The following AATK variants were observed in gnomAD, a reference collection of about 807,000 sequenced individuals.
AATK encodes lemur tail kinase 1, also known as serine/threonine-protein kinase LMTK1.
Under a neutral mutation model 114.3 loss-of-function variants are expected in AATK, and 91 were observed. The observed-to-expected ratio is 0.80, with a 90% CI of 0.67 to 0.95. The LOEUF is 0.95. AATK is among the 40% of genes least tolerant of loss of function. The pLI, the probability that AATK is intolerant of heterozygous loss-of-function variation, is 0.00. For missense variants in AATK, 2,176 were observed against 1,965.2 expected (o/e 1.11, Z -2.03); for synonymous variants, 1,075 against 916.5 (o/e 1.17, Z -3.12).
intron 12 of AATK, 45 bp from the exon 13 acceptor site, chr17:81,119,625 C>T: frequency 6.6e-7 from 1 of 1,512,778 alleles, no homozygotes. Flanking sequence ...AGCCTGGGAC[C>T]CCGGCCCGGC....
intron 1 of AATK, among the ~76,000 whole-genome samples, chr17:81,146,915 A>G (rs1038403570): frequency 3.0e-5 from 3 of 101,212 alleles, no homozygotes; most frequent in Non-Finnish European, 4.4e-5. Context: ...CCTTCTCTCC[A>G]GCCAAGTAAT....
chr17:81,143,086 C>T (rs986384404), intron 1 of AATK, among the ~76,000 whole-genome samples: 8 of 152,230 alleles, frequency 5.3e-5, no homozygotes, highest in Non-Finnish European at 1.2e-4. Context: ...CCGTCCGCAG[C>T]GTTGCCGGCA....
In AATK at chr17:81,131,279, C is replaced by T. The variant is rs1017681208; in HGVS notation, c.190-74G>A. ...GGTGTGGCTGGGCCTGGAAAGGCCC[C>T]TTTCTTCCAGGGCCGAGCTCCCAGG... On this transcript the variant is annotated intron_variant, in intron 2 of 13. Transcript: ENST00000326724. 2.7e-6 allele frequency: 4 copies of T among 1,471,010 alleles called. No individual in the cohort carries two copies. In the Admixed American group the frequency reaches 6.9e-5, roughly 25 times the overall value. The allele number at this position is 1,471,010 out of a possible 1,614,324, so 91.1% of individuals were successfully genotyped here.
rs754236546 is a variant in AATK at position 81,122,280 on chromosome 17, G to A, written c.1656C>T (p.Pro552=). The change falls in exon 11 of 14, where the codon CCC becomes CCT. Residue 552 remains proline (P), a synonymous_variant. Coordinates refer to ENST00000326724, the MANE Select transcript of AATK (RefSeq NM_001080395.3). Reference sequence around the variant, plus strand: ...CCTGGTCCGCGGTGGCAGGTGGACTGGGGGCGCAGCCGGCGCAGTCAGGGT... The same window carrying A: ...CCTGGTCCGCGGTGGCAGGTGGACTAGGGGCGCAGCCGGCGCAGTCAGGGT... ...GHDPDCAGCA[P]SPPATADQDD... 63 of 1,499,610 alleles carry A rather than the reference G, an allele frequency of 4.2e-5. 1 individual carries two copies. In the South Asian group the frequency reaches 4.6e-4, roughly 11 times the overall value. The allele number at this position is 1,499,610 out of a possible 1,614,324, so 92.9% of individuals were successfully genotyped here.
intron 1 of AATK, among the ~76,000 whole-genome samples, chr17:81,146,573 G>T (rs183241133): frequency 6.6e-6 from 1 of 151,962 alleles, no homozygotes; most frequent in Non-Finnish European, 1.5e-5. Context: ...AAAATTAGCC[G>T]GGCATGGTGG....
rs1006363050 is a variant in AATK, at chr17:81,122,375, C to T, written c.1561G>A (p.Ala521Thr). The T allele has an allele frequency of 2.7e-5, 40 of 1,497,048 alleles. No homozygotes were observed. Among genetic ancestry groups the T allele is most frequent in the Non-Finnish European group, 3.5e-5 (39 of 1,127,448 alleles). The allele number at this position is 1,497,048 out of a possible 1,614,324, so 92.7% of individuals were successfully genotyped here. A position where few individuals can be genotyped will look rare whatever the true frequency, so the allele number is the denominator to read the frequency against. ...APPGVVPVLSAHSPSLGSEYF... is the reference protein window; with the variant it reads ...APPGVVPVLSTHSPSLGSEYF... ...TCGCTGCCCAGCGACGGGCTGTGCG[C>T]GCTGAGCACCGGAACCACGCCCGGG... The change falls in exon 11 of 14, where the codon GCG becomes ACG. Residue 521 changes from alanine (A) to threonine (T), a missense_variant. Physicochemically the swap from Ala to Thr is moderately conservative, Grantham distance 58 (BLOSUM62 0). Around this residue, in one of 4 missense-constraint regions of AATK, gnomAD observed 1,701 missense variants for 1,394.7 expected, o/e 1.22. Transcript: ENST00000326724.
chr17:81,162,120 G>A (rs1223380557), intron 1 of AATK, among the ~76,000 whole-genome samples: 5 of 151,720 alleles, frequency 3.3e-5, no homozygotes, highest in Admixed American at 6.6e-5. Flanking sequence ...CCGAGTGCCC[G>A]CACCCATGCT....
Position 81,120,859 on chromosome 17 carries a change from C to T in AATK, c.3077G>A (p.Gly1026Asp), listed in dbSNP as rs1239866375. 2.5e-6 allele frequency: 4 copies of T among 1,578,978 alleles called. No individual in the cohort carries two copies. In the Admixed American group the frequency reaches 7.2e-5, roughly 29 times the overall value. ...GGDRAPGPEL[G>D]LPSTGQPSEQ... is the part of the protein sequence containing the mutation. Reference sequence around the variant, plus strand: ...AGACGGCTGCCCAGTGCTCGGCAGGCCCAGCTCTGGCCCGGGGGCTCGGTC... The same window carrying T: ...AGACGGCTGCCCAGTGCTCGGCAGGTCCAGCTCTGGCCCGGGGGCTCGGTC... The change falls in exon 11 of 14, where the codon GGC becomes GAC. Residue 1026 changes from glycine (G) to aspartate (D), a missense_variant. Transcript: ENST00000326724.
intron 1 of AATK, among the ~76,000 whole-genome samples, chr17:81,160,847 G>A (rs549686233): frequency 2.6e-5 from 4 of 152,332 alleles, no homozygotes; most frequent in East Asian, 3.9e-4. Context: ...GCAGAACAGC[G>A]TGGTCCCAGG....
chr17:81,165,617 C>T, intron 1 of AATK: 1 of 1,438,726 alleles, frequency 7.0e-7, no homozygotes, highest in Non-Finnish European at 9.2e-7. Context: ...CCCCAAGGGC[C>T]CTTAGTCTGA....
rs2060685061 is a variant in AATK at position 81,120,374 on chromosome 17, C to T, written c.3562G>A (p.Glu1188Lys). Residue 1188 changes from glutamate to lysine, a missense_variant, in exon 11 of 14, where the codon GAA (glutamate) becomes AAA (lysine). This residue lies in a region of AATK where 1,701 missense variants were observed against 1,394.7 expected (regional missense o/e 1.22). Coordinates refer to ENST00000326724, the MANE Select transcript of AATK (RefSeq NM_001080395.3). The part of the protein sequence containing the change: ...YSVQEPSEDS[E>K]EEAPAVPVVV... ...ACGGGCACCGCCGGCGCCTCCTCTT[C>T]GCTGTCCTCGCTAGGCTCCTGGACG... 1.9e-6 allele frequency: 3 copies of T among 1,608,430 alleles called. No individual in the cohort carries two copies. Among genetic ancestry groups the T allele is most frequent in the Non-Finnish European group, 2.5e-6 (3 of 1,178,094 alleles).
In AATK at chr17:81,134,533, T is replaced by C. The variant is rs772212077; in HGVS notation, c.56-32A>G. The C allele has an allele frequency of 5.0e-6, 8 of 1,600,596 alleles. No individual in the cohort carries two copies. In the South Asian group the frequency reaches 9.0e-5, roughly 18 times the overall value. ...GAGAGCAGTGTGGTGAGAGTGGCCA[T>C]GGCTGAGGGCCGGCCAGGCCCCTGC... On this transcript the variant is annotated intron_variant, in intron 1 of 13. Coordinates refer to ENST00000326724, the MANE Select transcript of AATK (RefSeq NM_001080395.3).
At position 81,126,689 on chromosome 17, in the gene AATK, T is replaced by C. The variant is rs1351267166; in HGVS notation, c.622-129A>G. The C allele has an allele frequency of 6.9e-7, 1 of 1,444,394 alleles. No homozygotes were observed. Among genetic ancestry groups the C allele is most frequent in the East Asian group, 2.5e-5 (1 of 39,816 alleles). The allele number at this position is 1,444,394 out of a possible 1,614,324, so 89.5% of individuals were successfully genotyped here. ...GGGACAGCAGCTGCCCAGAGCAGCC[T>C]CGTGCCCTGCACAGTGGCCAGCACC... On this transcript the variant is annotated intron_variant, in intron 6 of 13. Transcript: ENST00000326724. The surrounding 1 kb of genome is among the most constrained non-coding windows in gnomAD (Gnocchi z 5.1).
At chr17:81,157,504 G>A (rs1053435669) in intron 1 of AATK, among the ~76,000 whole-genome samples, 6 of 152,158 alleles carry the variant, frequency 3.9e-5, no homozygotes, top group Admixed American at 2.0e-4. Flanking sequence ...GTTCCCGGGG[G>A]TTACCACCCC....
At chr17:81,159,813 C>T (rs28697943) in intron 1 of AATK, among the ~76,000 whole-genome samples, 1,922 of 152,256 alleles carry the variant, frequency 0.013, 48 homozygotes, top group African/African-American at 0.044. Context: ...GCCCTGGTCC[C>T]GGACCAGCTC....
intron 13 of AATK, 121 bp downstream of exon 13, chr17:81,119,259 A>G: frequency 2.0e-6 from 2 of 1,025,522 alleles, no homozygotes; most frequent in Non-Finnish European, 2.6e-6. Flanking sequence ...GCCGGGAAGG[A>G]GCGGAGCGGA....
chr17:81,122,297 A>G lies in AATK; in HGVS notation c.1639T>C (p.Cys547Arg). 6.6e-7 allele frequency: 1 copy of G among 1,508,192 alleles called. No individual in the cohort carries two copies. Among genetic ancestry groups the G allele is most frequent in the Non-Finnish European group, 8.8e-7 (1 of 1,134,676 alleles). The allele number at this position is 1,508,192 out of a possible 1,614,324, so 93.4% of individuals were successfully genotyped here. A position where few individuals can be genotyped will look rare whatever the true frequency, so the allele number is the denominator to read the frequency against. Residue 547 changes from cysteine to arginine, a missense_variant, in exon 11 of 14, where the codon TGC (cysteine) becomes CGC (arginine). Around this residue, in one of 4 missense-constraint regions of AATK, gnomAD observed 1,701 missense variants for 1,394.7 expected, o/e 1.22. Transcript: ENST00000326724. ...AAPAAGHDPD[C>R]AGCAPSPPAT... The stretch of plus-strand genomic sequence containing the variant: ...GGTGGACTGGGGGCGCAGCCGGCGC[A>G]GTCAGGGTCGTGGCCGGCGGCGGGT...
chr17:81,148,765 C>A (rs558757700), intron 1 of AATK, among the ~76,000 whole-genome samples: 1 of 152,164 alleles, frequency 6.6e-6, no homozygotes, highest in South Asian at 2.1e-4. Flanking sequence ...TGCACACGCT[C>A]CCACTCACGC....
At chr17:81,141,917 CTCCTTCCT>C (rs72007585) in intron 1 of AATK, among the ~76,000 whole-genome samples, 328 of 132,334 alleles carry the variant, frequency 2.5e-3, no homozygotes, top group South Asian at 7.5e-3. Context: ...CTTTCTCCCT[CTCCTTCCT>C]TCCTTCCTTC....
Sources: allele counts gnomAD v4.1 joint callset (sites outside exome capture counted in the v4.1 genomes callset), GRCh38; gene constraint gnomAD v4.1.1; regional missense constraint gnomAD v4.1.1; non-coding constraint Gnocchi (gnomAD v3.1); transcripts MANE v1.5; gene names NCBI Gene and HGNC (gene_info 2026-07-23, HGNC 2026-07-21).